Variants in AIMP1 observed in about 807,000 individuals in gnomAD.
The protein encoded by AIMP1 is aminoacyl tRNA synthetase complex interacting multifunctional protein 1, also known as aminoacyl tRNA synthase complex-interacting multifunctional protein 1.
Under a neutral mutation model 33.1 loss-of-function variants are expected in AIMP1, and 24 were observed. The observed-to-expected ratio is 0.73, with a 90% CI of 0.53 to 1.02. The LOEUF is 1.02. Ranked by LOEUF, AIMP1 falls within the 50% of genes least tolerant of loss-of-function variation. The pLI is 0.00. For synonymous variants in AIMP1, 120 were observed against 121.5 expected (o/e 0.99, Z 0.08); for missense variants, 367 against 364.8 (o/e 1.01, Z -0.05).
intron 6 of AIMP1, among the ~76,000 whole-genome samples, chr4:106,342,905 CTTTT>C (rs34629602): frequency 7.8e-6 from 1 of 128,346 alleles, no homozygotes; most frequent in Non-Finnish European, 1.7e-5. Context: ...CGATCCAGGG[CTTTT>C]TTTTTTTTTT....
At chr4:106,329,543 C>T (rs979695088) in intron 4 of AIMP1, among the ~76,000 whole-genome samples, 1 of 152,116 alleles carries the variant, frequency 6.6e-6, no homozygotes, top group African/African-American at 2.4e-5. Flanking sequence ...TCAATGGCCA[C>T]ATGTGGTTAT....
chr4:106,316,278 C>G (rs1318011357), upstream of AIMP1: 1 of 379,888 alleles, frequency 2.6e-6, no homozygotes, highest in Non-Finnish European at 4.8e-6. Context: ...AGGAAAGACC[C>G]CGACTTGTGG....
At chr4:106,329,606 A>G (rs1769589328) in intron 4 of AIMP1, among the ~76,000 whole-genome samples, 1 of 152,124 alleles carries the variant, frequency 6.6e-6, no homozygotes, top group Non-Finnish European at 1.5e-5. Flanking sequence ...AATTTAAATA[A>G]TTTTAAATTT....
chr4:106,337,340 C>T (rs1303942337), intron 6 of AIMP1, among the ~76,000 whole-genome samples: 1 of 152,148 alleles, frequency 6.6e-6, no homozygotes, highest in Admixed American at 6.5e-5. Context: ...ATGGGAGGGA[C>T]CCGGTGGGAG....
At chr4:106,335,906 G>T (rs554998079) in intron 5 of AIMP1, among the ~76,000 whole-genome samples, 3 of 149,984 alleles carry the variant, frequency 2.0e-5, no homozygotes, top group African/African-American at 7.4e-5. Flanking sequence ...GCTAGTTGGA[G>T]AAAAAAATTA....
Position 106,325,105 on chromosome 4 carries a change from T to A in AIMP1, c.96T>A (p.Leu32=), listed in dbSNP as rs1442258929. The A allele has an allele frequency of 6.2e-7, 1 of 1,612,152 alleles. No individual in the cohort carries two copies. The highest frequency in any genetic ancestry group is 8.5e-7 in the Non-Finnish European group (1 of 1,178,948). ...IEYLKQQVSL[L]KEKAILQATL... is the part of the protein sequence containing the mutation. The stretch of plus-strand genomic sequence containing the variant: ...ATCTTAAGCAGCAAGTTTCTCTACT[T>A]AAGGAGAAAGCAAGTAAGAAAATTT... The change falls in exon 2 of 7, where the codon CTT becomes CTA. Residue 32 remains leucine (L), a synonymous_variant. Transcript: ENST00000672341.
intron 3 of AIMP1, among the ~76,000 whole-genome samples, chr4:106,327,823 C>A (rs1195174363): frequency 1.3e-5 from 2 of 151,996 alleles, no homozygotes; most frequent in Non-Finnish European, 2.9e-5. Context: ...GTTAGCTGTT[C>A]TTATTTGCAG....
intron 5 of AIMP1, among the ~76,000 whole-genome samples, chr4:106,334,706 A>G (rs1204777639): frequency 6.6e-6 from 1 of 152,198 alleles, no homozygotes; most frequent in Admixed American, 6.5e-5. Context: ...GAAAGAATCT[A>G]GTAAGTATTG....
At position 106,327,483 on chromosome 4, in the gene AIMP1, C is replaced by T; in HGVS notation, c.142C>T (p.Leu48Phe). ...GGCAACTTTGAGGGAAGAGAAGAAA[C>T]TTCGAGTTGAAAATGCTAAACTGAA... The part of the protein sequence containing the change: ...LQATLREEKK[L>F]RVENAKLKKE... The change falls in exon 3 of 7, where the codon CTT (leucine) becomes TTT (phenylalanine). Residue 48 changes from leucine to phenylalanine, a missense_variant. Coordinates refer to ENST00000672341, the MANE Select transcript of AIMP1 (RefSeq NM_001142416.2). 1 of 1,612,860 alleles carries T rather than the reference C, an allele frequency of 6.2e-7. No individual in the cohort carries two copies. Among genetic ancestry groups the T allele is most frequent in the South Asian group, 1.1e-5 (1 of 91,040 alleles).
At chr4:106,345,446 TA>T (rs1383142171) in intron 6 of AIMP1, among the ~76,000 whole-genome samples, 2 of 152,164 alleles carry the variant, frequency 1.3e-5, no homozygotes, top group East Asian at 3.8e-4. Context: ...AGGAATGATT[TA>T]CAAACAAAAA....
At chr4:106,320,999 C>G (rs942991641) in intron 1 of AIMP1, among the ~76,000 whole-genome samples, 1 of 152,220 alleles carries the variant, frequency 6.6e-6, no homozygotes, top group Admixed American at 6.5e-5. Context: ...CTGCCAGCCT[C>G]GGCGTCCTGA....
intron 1 of AIMP1, among the ~76,000 whole-genome samples, chr4:106,318,654 A>G (rs561657440): frequency 5.3e-4 from 81 of 152,282 alleles, no homozygotes; most frequent in Non-Finnish European, 1.2e-4. Context: ...CAGTTGTGAG[A>G]TATTTGTCAT....
upstream of AIMP1, chr4:106,316,164 G>A (rs1228829795): frequency 1.8e-5 from 3 of 168,628 alleles, no homozygotes; most frequent in Non-Finnish European, 2.5e-5. Context: ...GGCGAGGAGC[G>A]CAAGCCTGGC....
At chr4:106,320,880 G>A (rs1302964650) in intron 1 of AIMP1, among the ~76,000 whole-genome samples, 1 of 152,140 alleles carries the variant, frequency 6.6e-6, no homozygotes, top group Non-Finnish European at 1.5e-5. Flanking sequence ...CCGAGTTCCT[G>A]GGATTGCAGG....
chr4:106,325,144 G>T, intron 2 of AIMP1, 26 bp downstream of exon 2: 3 of 1,581,052 alleles, frequency 1.9e-6, no homozygotes, highest in South Asian at 1.1e-5. Flanking sequence ...ATTTTTTGAG[G>T]AGATACTTAA....
At chr4:106,324,052 A>G (rs1769369487) in intron 1 of AIMP1, among the ~76,000 whole-genome samples, 1 of 152,046 alleles carries the variant, frequency 6.6e-6, no homozygotes, top group Non-Finnish European at 1.5e-5. Flanking sequence ...TATTTTTTAT[A>G]TAGGATTGGT....
At chr4:106,344,121 C>T (rs919736800) in intron 6 of AIMP1, among the ~76,000 whole-genome samples, 1 of 152,246 alleles carries the variant, frequency 6.6e-6, no homozygotes, top group South Asian at 2.1e-4. Context: ...TGGTGGTCCT[C>T]CTTCTTCACT....
At chr4:106,334,018 C>T (rs1206563753) in intron 5 of AIMP1, among the ~76,000 whole-genome samples, 8 of 152,140 alleles carry the variant, frequency 5.3e-5, no homozygotes, top group African/African-American at 1.9e-4. Context: ...TAGATGTCTT[C>T]TATGGTGGTT....
At position 106,347,958 on chromosome 4, in the gene AIMP1, T is replaced by C. The variant is rs1770368900; in HGVS notation, c.*266T>C. On this transcript the variant is annotated 3_prime_UTR_variant, in exon 7 of 7. Coordinates refer to ENST00000672341, the MANE Select transcript of AIMP1 (RefSeq NM_001142416.2). ...TTTAGCAGGAATATTGATTAGCAGC[T>C]TTTTTTTCTTTATACACATAGATAA... 3.5e-6 allele frequency: 1 copy of C among 287,146 alleles called. No individual in the cohort carries two copies. The highest frequency in any genetic ancestry group is 5.1e-5 in the Admixed American group (1 of 19,690). 17.8% of individuals were successfully genotyped at this position (287,146 alleles called of 1,614,324 possible). A position where few individuals can be genotyped will look rare whatever the true frequency, so the allele number is the denominator to read the frequency against.
Sources: allele counts gnomAD v4.1 joint callset (sites outside exome capture counted in the v4.1 genomes callset), GRCh38; gene constraint gnomAD v4.1.1; transcripts MANE v1.5; gene names NCBI Gene and HGNC (gene_info 2026-07-23, HGNC 2026-07-21).